Variants in DCDC1 observed in about 807,000 individuals in gnomAD.
DCDC1 encodes the protein doublecortin domain-containing protein 1.
Under a neutral mutation model 178.3 loss-of-function variants are expected in DCDC1, and 200 were observed. The observed-to-expected ratio is 1.12, with a 90% CI of 1.00 to 1.26. The LOEUF (loss-of-function observed/expected upper bound fraction) is 1.26. Ranked by LOEUF, DCDC1 falls within the 50% of genes most tolerant of loss-of-function variation. The probability of loss-of-function intolerance (pLI) is 0.00; values close to 1 mark genes in which losing one functional copy is unlikely to be tolerated. For missense variants in DCDC1, 1,983 were observed against 1,749.2 expected (o/e 1.13, Z -2.38); for synonymous variants, 690 against 604.8 (o/e 1.14, Z -2.07).
At chr11:30,906,382 G>A in intron 30 of DCDC1, 158 bp downstream of exon 30, 1 of 733,374 alleles carries the variant, frequency 1.4e-6, no homozygotes, top group South Asian at 2.3e-5. Flanking sequence ...ATTACAATGG[G>A]GAAAAGGAAA....
intron 3 of DCDC1, among the ~76,000 whole-genome samples, chr11:31,315,415 C>G (rs1307184205): frequency 7.1e-6 from 1 of 141,704 alleles, no homozygotes; most frequent in Non-Finnish European, 1.5e-5. Flanking sequence ...CGGCTCACTG[C>G]AAGCTCCACC....
chr11:31,030,484 T>G (rs1005493242), intron 20 of DCDC1, among the ~76,000 whole-genome samples: 1 of 152,230 alleles, frequency 6.6e-6, no homozygotes, highest in African/African-American at 2.4e-5. Context: ...GACAAAATTA[T>G]GTATTTCCTT....
chr11:31,085,064 G>A (rs1035221823), intron 17 of DCDC1, among the ~76,000 whole-genome samples: 48 of 151,742 alleles, frequency 3.2e-4, no homozygotes, highest in African/African-American at 1.1e-3. Flanking sequence ...CTAGGCCATT[G>A]ATGAACTATC....
chr11:31,013,505 C>A (rs565628093), intron 20 of DCDC1, among the ~76,000 whole-genome samples: 87 of 152,250 alleles, frequency 5.7e-4, no homozygotes, highest in Non-Finnish European at 8.8e-4. Flanking sequence ...AAAAAGTACT[C>A]ATTTCTTCAT....
At chr11:31,005,442 C>T (rs1951784812) in intron 20 of DCDC1, among the ~76,000 whole-genome samples, 1 of 152,222 alleles carries the variant, frequency 6.6e-6, no homozygotes, top group African/African-American at 2.4e-5. Context: ...TGTCACACCA[C>T]ATATTCATAG....
At chr11:31,346,725 A>G (rs1950836337) in intron 1 of DCDC1, among the ~76,000 whole-genome samples, 1 of 152,304 alleles carries the variant, frequency 6.6e-6, no homozygotes, top group Middle Eastern at 3.4e-3. Context: ...TGAGTACAAT[A>G]TGATTGGAGT....
rs141680659 is a variant in DCDC1 at position 30,903,619 on chromosome 11, T to C, written c.4373A>G (p.Asp1458Gly). ...ACGCAAGGTAAAGATTGGGGTTCCA[T>C]CTTTGGTATATACTTTGGAGGCTGC... Reference protein sequence around the residue: ...ARAASKVYTKDGTPIFTLRDL... With the variant: ...ARAASKVYTKGGTPIFTLRDL... Residue 1458 changes from aspartate to glycine, a missense_variant, in exon 32 of 39, where the codon GAT (aspartate) becomes GGT (glycine). Asp to Gly is a moderately conservative substitution (Grantham distance 94). Coordinates refer to ENST00000684477, the MANE Select transcript of DCDC1 (RefSeq NM_001387274.1). The C allele has an allele frequency of 1.2e-6, 2 of 1,611,608 alleles. No individual in the cohort carries two copies. Among genetic ancestry groups the C allele is most frequent in the African/African-American group, 1.3e-5 (1 of 74,890 alleles).
chr11:31,328,735 C>T (rs184854752), intron 2 of DCDC1, among the ~76,000 whole-genome samples: 2,987 of 148,588 alleles, frequency 0.02, 46 homozygotes, highest in South Asian at 0.044. Flanking sequence ...GGCAGGAACC[C>T]GGGAGGTGGA....
At chr11:31,098,154 T>C (rs1958271748) in intron 15 of DCDC1, among the ~76,000 whole-genome samples, 1 of 152,198 alleles carries the variant, frequency 6.6e-6, no homozygotes, top group Non-Finnish European at 1.5e-5. Flanking sequence ...GAGTCCATTT[T>C]TCTGCTATAT....
intron 21 of DCDC1, among the ~76,000 whole-genome samples, chr11:30,937,178 T>C (rs532171598): frequency 3.8e-4 from 58 of 152,286 alleles, no homozygotes; most frequent in African/African-American, 1.3e-3. Context: ...TGTGGTTCCA[T>C]TTAACATTTT....
intron 20 of DCDC1, among the ~76,000 whole-genome samples, chr11:31,042,913 G>A (rs900088176): frequency 1.1e-4 from 16 of 152,102 alleles, no homozygotes; most frequent in Non-Finnish European, 2.1e-4. Context: ...CTTCCCAAAA[G>A]GGCTTTGTTT....
chr11:31,224,922 G>C (rs562370162), intron 9 of DCDC1, among the ~76,000 whole-genome samples: 39 of 152,248 alleles, frequency 2.6e-4, no homozygotes, highest in Non-Finnish European at 4.3e-4. Context: ...ATGTAAACTA[G>C]TACAATGACT....
intron 32 of DCDC1, among the ~76,000 whole-genome samples, chr11:30,901,276 C>A (rs1944651003): frequency 6.6e-6 from 1 of 152,086 alleles, no homozygotes; most frequent in African/African-American, 2.4e-5. Context: ...TTACTATATA[C>A]TGGGTATTTT....
Position 30,911,417 on chromosome 11 carries a change from G to A in DCDC1, c.3657C>T (p.Thr1219=), listed in dbSNP as rs780276622. ...QRWIHQEDSR[T]FHLVSNPDLV... ...GGTCAGGGTTACTCACAAGGTGAAA[G>A]GTCCTTGGGAAAACAGGATTAGCCA... The change falls in exon 28 of 39, where the codon ACC becomes ACT. Residue 1219 remains threonine (T), a synonymous_variant. Transcript: ENST00000684477. 2.6e-5 allele frequency: 41 copies of A among 1,594,264 alleles called. No individual in the cohort carries two copies. Among genetic ancestry groups the A allele is most frequent in the Non-Finnish European group, 3.3e-5 (39 of 1,169,830 alleles).
chr11:31,286,849 G>T (rs1479158650), intron 7 of DCDC1, among the ~76,000 whole-genome samples: 1 of 152,080 alleles, frequency 6.6e-6, no homozygotes, highest in Non-Finnish European at 1.5e-5. Context: ...TCTCTGGAGA[G>T]ACTAAACCTC....
At chr11:31,098,991 A>G (rs751402550) in intron 15 of DCDC1, among the ~76,000 whole-genome samples, 1 of 152,262 alleles carries the variant, frequency 6.6e-6, no homozygotes, top group African/African-American at 2.4e-5. Flanking sequence ...CTAAATCATT[A>G]GAACCATTTA....
chr11:31,171,608 A>C (rs1024418048), intron 9 of DCDC1, among the ~76,000 whole-genome samples: 16 of 152,204 alleles, frequency 1.1e-4, no homozygotes, highest in Non-Finnish European at 2.1e-4. Context: ...TCAACTGGAA[A>C]TCAAATTCTC....
intron 30 of DCDC1, 198 bp downstream of exon 30, chr11:30,906,342 A>T (rs1945057046): frequency 1.9e-5 from 10 of 532,970 alleles, no homozygotes; most frequent in Non-Finnish European, 3.2e-5. Context: ...CAAAGAGTCT[A>T]TTGAACTATT....
At position 31,249,655 on chromosome 11, in the gene DCDC1, A is replaced by G. The variant is rs1943830581; in HGVS notation, c.1055-8039T>C. Reference sequence around the variant, plus strand: ...GGCTCTTAACTGGCTGCCTTTGTGTATACCAAGTCTTGCCCTAGAGAGATT... The same window carrying G: ...GGCTCTTAACTGGCTGCCTTTGTGTGTACCAAGTCTTGCCCTAGAGAGATT... On this transcript the variant is annotated intron_variant, in intron 8 of 38. Coordinates refer to ENST00000684477, the MANE Select transcript of DCDC1 (RefSeq NM_001387274.1). Among the ~76,000 whole-genome samples, 3 of 152,156 alleles carry G rather than the reference A, an allele frequency of 2.0e-5. No homozygotes were observed. In the South Asian group the frequency reaches 6.2e-4, roughly 32 times the overall value.
Sources: allele counts gnomAD v4.1 joint callset (sites outside exome capture counted in the v4.1 genomes callset), GRCh38; gene constraint gnomAD v4.1.1; transcripts MANE v1.5; gene names NCBI Gene and HGNC (gene_info 2026-07-23, HGNC 2026-07-21).